Variants in YBEY observed in about 807,000 individuals in gnomAD.
The protein encoded by YBEY is endoribonuclease YbeY.
A neutral mutation model predicts 13.5 loss-of-function variants in YBEY; 15 were observed. That is an observed-to-expected ratio of 1.11 (90% CI 0.75 to 1.72). The LOEUF is 1.72. YBEY is among the 40% of genes most tolerant of loss of function. The probability of loss-of-function intolerance (pLI) is 0.00; values close to 1 mark genes in which losing one functional copy is unlikely to be tolerated. For missense variants in YBEY, 244 were observed against 208.4 expected, an observed-to-expected ratio of 1.17 and a Z score of -1.05; for synonymous variants, 101 against 83.1, an observed-to-expected ratio of 1.21 and a Z score of -1.17.
At chr21:46,305,773 A>C in the YBEY span, among the ~76,000 whole-genome samples, 1 of 151,744 alleles carries the variant, frequency 6.6e-6, no homozygotes, top group Non-Finnish European at 1.5e-5. Context: ...CCCCGTCTCT[A>C]CTAAAAATAC....
In YBEY at chr21:46,296,207, G is replaced by T. The variant is rs746401000; in HGVS notation, c.385G>T (p.Gly129Cys). The T allele has an allele frequency of 6.2e-7, 1 of 1,613,778 alleles. No homozygotes were observed. The highest frequency in any genetic ancestry group is 1.7e-5 in the Admixed American group (1 of 60,018). ...CTGTCACTTGCTGGGATTCACACAC[G>T]GCACGGAGGCAGAGTGGCAGCAGGT... ...GLCHLLGFTH[G>C]TEAEWQQMFQ... Residue 129 changes from glycine to cysteine, a missense_variant, in exon 4 of 5, where the codon GGC (glycine) becomes TGC (cysteine). By Grantham distance (159) the Gly-to-Cys change is radical. Coordinates refer to ENST00000397701, the MANE Select transcript of YBEY (RefSeq NM_001314025.2).
chr21:46,298,434 C>CTTTGTTTTTTTTTTTTTTTTTTTTTTT (rs2082018864), downstream of YBEY, among the ~76,000 whole-genome samples: 1 of 97,160 alleles, frequency 1.0e-5, no homozygotes, highest in African/African-American at 3.6e-5. Flanking sequence ...TTAATCCAAG[C>CTTTGTTTTTTTTTTTTTTTTTTTTTTT]TTTTTTTTTT....
chr21:46,313,086 C>G, the YBEY span: 3 of 984,308 alleles, frequency 3.0e-6, no homozygotes, highest in Non-Finnish European at 3.6e-6. Flanking sequence ...AAACTTTTGC[C>G]AAGAGCTACA....
chr21:46,300,774 T>G (rs1467753258), downstream of YBEY: 4 of 1,289,414 alleles, frequency 3.1e-6, no homozygotes, highest in East Asian at 5.5e-5. Context: ...GTGCGGAACT[T>G]CAGGAATGAA....
chr21:46,307,669 T>G, the YBEY span, among the ~76,000 whole-genome samples: 1 of 152,172 alleles, frequency 6.6e-6, no homozygotes, highest in African/African-American at 2.4e-5. Context: ...CAGATCTGGC[T>G]TGGATTGCAA....
chr21:46,299,336 C>A (rs1029134896), downstream of YBEY, among the ~76,000 whole-genome samples: 1 of 152,080 alleles, frequency 6.6e-6, no homozygotes, highest in Admixed American at 6.6e-5. Flanking sequence ...AAGAGCCGCC[C>A]GTGGCCCAGG....
the YBEY span, among the ~76,000 whole-genome samples, chr21:46,308,244 C>G: frequency 6.6e-5 from 10 of 151,984 alleles, no homozygotes; most frequent in Non-Finnish European, 1.3e-4. Context: ...GGGCAGATCA[C>G]GAGGTCAGGA....
At position 46,286,897 on chromosome 21, in the gene YBEY, T is replaced by C; in HGVS notation, c.-17T>C. The C allele has an allele frequency of 1.2e-6, 2 of 1,613,538 alleles. No individual in the cohort carries two copies. The highest frequency in any genetic ancestry group is 1.7e-6 in the Non-Finnish European group (2 of 1,179,742). ...TCCGTTGCAAACATTTTTAAAGGGC[T>C]GGTTATTCTTCCTGAAATGAGTTTG... On this transcript the variant is annotated 5_prime_UTR_variant, in exon 2 of 5. Coordinates refer to ENST00000397701, the MANE Select transcript of YBEY (RefSeq NM_001314025.2).
At chr21:46,307,819 C>G in the YBEY span, among the ~76,000 whole-genome samples, 2 of 152,120 alleles carry the variant, frequency 1.3e-5, no homozygotes, top group Non-Finnish European at 2.9e-5. Context: ...TTCCATTAGT[C>G]ATTAGGGCAA....
chr21:46,303,025 G>C, the YBEY span, among the ~76,000 whole-genome samples: 4 of 152,120 alleles, frequency 2.6e-5, no homozygotes, highest in Admixed American at 6.5e-5. Context: ...TTAGCCAGGC[G>C]TGGTGGTTCA....
rs767002800 is a variant in YBEY, at chr21:46,291,428, G to A, written c.305G>A (p.Cys102Tyr). The change falls in exon 3 of 5, where the codon TGT (cysteine) becomes TAT (tyrosine). Residue 102 changes from cysteine to tyrosine, a missense_variant. Cys to Tyr is a radical substitution (Grantham distance 194). Coordinates refer to ENST00000397701, the MANE Select transcript of YBEY (RefSeq NM_001314025.2). ...GGAGTGGAGTATATCTTCCATCAGT[G>A]TAAAGAAAATGAAGATTACAATGAC... ...FLGVEYIFHQ[C>Y]KENEDYNDVL... 130 of 1,613,976 alleles carry A rather than the reference G, an allele frequency of 8.1e-5. 1 individual carries two copies. The South Asian group carries it at 1.4e-3, about 17-fold the overall frequency.
chr21:46,302,573 A>G (rs1239116570), downstream of YBEY: 4 of 1,610,712 alleles, frequency 2.5e-6, no homozygotes, highest in South Asian at 4.4e-5. Flanking sequence ...CAGCTCCACC[A>G]TGTCTGCAGG....
the YBEY span, among the ~76,000 whole-genome samples, chr21:46,303,864 G>A: frequency 2.5e-3 from 350 of 139,696 alleles, 2 homozygotes; most frequent in Admixed American, 5.9e-3. Flanking sequence ...CCATTCTCCT[G>A]CCTCAGCCTC....
At position 46,287,076 on chromosome 21, in the gene YBEY, A is replaced by C. The variant is rs1483461887; in HGVS notation, c.163A>C (p.Arg55=). Residue 55 remains arginine, a synonymous_variant, in exon 2 of 5, where the codon AGA becomes CGA. Coordinates refer to ENST00000397701, the MANE Select transcript of YBEY (RefSeq NM_001314025.2). Reference sequence around the variant, plus strand: ...TATTCAGCACATTAATAGAATCTACAGAGATAGAAATGTCCCAACCGATGT... The same window carrying C: ...TATTCAGCACATTAATAGAATCTACCGAGATAGAAATGTCCCAACCGATGT... ...KNIQHINRIY[R]DRNVPTDVLS... 21 of 1,613,986 alleles carry C rather than the reference A, an allele frequency of 1.3e-5. No homozygotes were observed. Among genetic ancestry groups the C allele is most frequent in the Non-Finnish European group, 1.8e-5 (21 of 1,179,960 alleles).
chr21:46,293,212 G>A (rs375681167), intron 3 of YBEY, among the ~76,000 whole-genome samples: 4 of 74,180 alleles, frequency 5.4e-5, no homozygotes, highest in Admixed American at 1.5e-4. Flanking sequence ...GACTCAGTGG[G>A]GACAGCCACG....
At chr21:46,304,643 C>T in the YBEY span, among the ~76,000 whole-genome samples, 78 of 152,294 alleles carry the variant, frequency 5.1e-4, no homozygotes, top group African/African-American at 1.6e-3. Flanking sequence ...AGTGCTCTGG[C>T]GACTGAAATT....
At position 46,297,689 on chromosome 21, in the gene YBEY, C is replaced by T; in HGVS notation, c.*55C>T. On this transcript the variant is annotated 3_prime_UTR_variant, in exon 5 of 5. Transcript: ENST00000397701. ...GGGAGGGGTGGAGGCTGCGGGGAGC[C>T]GGGGTCGCACACGAATAAATAACGA... The T allele has an allele frequency of 3.9e-6, 5 of 1,270,818 alleles. No homozygotes were observed. The highest frequency in any genetic ancestry group is 5.0e-6 in the Non-Finnish European group (5 of 997,996). The allele number at this position is 1,270,818 out of a possible 1,614,324, so 78.7% of individuals were successfully genotyped here.
chr21:46,291,079 C>T (rs1217799922), intron 2 of YBEY, among the ~76,000 whole-genome samples: 2 of 150,392 alleles, frequency 1.3e-5, no homozygotes, highest in Admixed American at 1.3e-4. Flanking sequence ...CACCTGTAAT[C>T]CCAGCTACTC....
At chr21:46,304,591 G>A in the YBEY span, among the ~76,000 whole-genome samples, 870 of 152,248 alleles carry the variant, frequency 5.7e-3, 9 homozygotes, top group African/African-American at 0.02. Flanking sequence ...TGCCCACCAC[G>A]CTGGCAAAAA....
Sources: gnomAD v4.1 joint callset for allele counts (sites outside exome capture counted in the v4.1 genomes callset) on GRCh38, gnomAD v4.1.1 for gene constraint, MANE v1.5 for transcripts, NCBI Gene and HGNC (gene_info 2026-07-23, HGNC 2026-07-21) for gene names.